The following ZBBX variants were observed in gnomAD, a reference collection of about 807,000 sequenced individuals.
ZBBX encodes the protein zinc finger B-box domain containing, also known as zinc finger B-box domain-containing protein 1.
ZBBX carries 101 observed loss-of-function variants against 108.5 expected under a neutral mutation model. The ratio of observed to expected loss-of-function variants is 0.93; its 90% CI spans 0.79 to 1.10. The LOEUF is 1.10. Among genes scored for constraint, ZBBX ranks in the 50% least tolerant of loss-of-function variants. ZBBX has a pLI of 0.00. For missense variants in ZBBX, 1,009 were observed against 941.4 expected, an observed-to-expected ratio of 1.07 and a Z score of -0.94; for synonymous variants, 356 against 323.4, an observed-to-expected ratio of 1.10 and a Z score of -1.08.
At chr3:167,281,117 G>C (rs1728735917) in intron 20 of ZBBX, among the ~76,000 whole-genome samples, 1 of 152,160 alleles carries the variant, frequency 6.6e-6, no homozygotes, top group Admixed American at 6.6e-5. Flanking sequence ...GGTGGGGGTA[G>C]GGGGAGCGAT....
chr3:167,299,416 A>G (rs1732238155), intron 17 of ZBBX, among the ~76,000 whole-genome samples: 1 of 152,144 alleles, frequency 6.6e-6, no homozygotes, highest in South Asian at 2.1e-4. Context: ...CCCAGACACC[A>G]ATAAACAATT....
At position 167,240,574 on chromosome 3, in the gene ZBBX, A is replaced by T. The variant is rs1237998249; in HGVS notation, c.*219T>A. 8.1e-6 allele frequency: 3 copies of T among 371,134 alleles called. No homozygotes were observed. Among genetic ancestry groups the T allele is most frequent in the Non-Finnish European group, 1.4e-5 (3 of 208,506 alleles). The allele number at this position is 371,134 out of a possible 1,614,324, so 23.0% of individuals were successfully genotyped here. A position where few individuals can be genotyped will look rare whatever the true frequency, so the allele number is the denominator to read the frequency against. On this transcript the variant is annotated 3_prime_UTR_variant, in exon 22 of 22. Transcript: ENST00000675490. ...TTCAAATTCACCATATTTTACTAACATAATCTGCAATATAGATTAGTGGTT... is the reference window on the plus strand; with the variant it reads ...TTCAAATTCACCATATTTTACTAACTTAATCTGCAATATAGATTAGTGGTT...
At chr3:167,191,924 T>TAGAGAGAGAGAGAG in the ZBBX span, among the ~76,000 whole-genome samples, 11 of 125,556 alleles carry the variant, frequency 8.8e-5, no homozygotes, top group African/African-American at 3.3e-4. Flanking sequence ...TATATATATA[T>TAGAGAGAGAGAGAG]ATATATATAT....
At chr3:167,183,503 C>T in the ZBBX span, among the ~76,000 whole-genome samples, 2,031 of 152,294 alleles carry the variant, frequency 0.013, 22 homozygotes, top group South Asian at 0.026. Flanking sequence ...ATATAGAGTG[C>T]GGAGTGGGAA....
chr3:167,217,938 T>C, the ZBBX span, among the ~76,000 whole-genome samples: 1 of 150,610 alleles, frequency 6.6e-6, no homozygotes, highest in African/African-American at 2.5e-5. Context: ...TCGCCCAGGC[T>C]GGAGTGCAGT....
intron 20 of ZBBX, among the ~76,000 whole-genome samples, chr3:167,267,597 G>T (rs1725770346): frequency 6.6e-6 from 1 of 152,064 alleles, no homozygotes; most frequent in African/African-American, 2.4e-5. Context: ...TTGGACCCAG[G>T]GTCCACTCCT....
intron 14 of ZBBX, 112 bp downstream of exon 14, chr3:167,316,893 A>G: frequency 1.8e-6 from 1 of 561,568 alleles, no homozygotes; most frequent in East Asian, 3.2e-5. Context: ...TTTCCTATTA[A>G]ACTATGTTAG....
chr3:167,262,101 C>T (rs1442065958), intron 20 of ZBBX, among the ~76,000 whole-genome samples: 7 of 152,250 alleles, frequency 4.6e-5, no homozygotes, highest in Non-Finnish European at 5.9e-5. Flanking sequence ...AAACTTCTCA[C>T]GCAAACAGAA....
At chr3:167,270,395 A>G (rs951574742) in intron 20 of ZBBX, among the ~76,000 whole-genome samples, 3 of 152,202 alleles carry the variant, frequency 2.0e-5, no homozygotes, top group Non-Finnish European at 2.9e-5. Flanking sequence ...CTACTCCAGA[A>G]AAACCTGACC....
At chr3:167,323,874 A>G (rs1305566945) in intron 11 of ZBBX, among the ~76,000 whole-genome samples, 1 of 152,144 alleles carries the variant, frequency 6.6e-6, no homozygotes, top group Admixed American at 6.6e-5. Flanking sequence ...TTCAGATCAC[A>G]CATAACTTTC....
the ZBBX span, among the ~76,000 whole-genome samples, chr3:167,193,570 T>A: frequency 6.6e-6 from 1 of 152,066 alleles, no homozygotes; most frequent in Admixed American, 6.5e-5. Context: ...TGGCAATGCA[T>A]GTTTGTTTTT....
intron 17 of ZBBX, among the ~76,000 whole-genome samples, 170 bp downstream of exon 17, chr3:167,305,473 C>T (rs1476804078): frequency 3.9e-5 from 6 of 152,034 alleles, no homozygotes; most frequent in African/African-American, 1.4e-4. Flanking sequence ...GTCCTAGAGG[C>T]CATTAATGTT....
chr3:167,303,635 T>A (rs190319683), intron 17 of ZBBX, among the ~76,000 whole-genome samples: 39 of 152,312 alleles, frequency 2.6e-4, no homozygotes, highest in Non-Finnish European at 4.1e-4. Context: ...TGGTCTTGAA[T>A]GAAAGTTTTG....
At chr3:167,405,469 C>G (rs147391933) in intron 1 of ZBBX, among the ~76,000 whole-genome samples, 2 of 152,040 alleles carry the variant, frequency 1.3e-5, no homozygotes, top group Non-Finnish European at 2.9e-5. Flanking sequence ...ATAAGTGGTA[C>G]AGAAAAGGTG....
the ZBBX span, among the ~76,000 whole-genome samples, chr3:167,188,138 AATT>A: frequency 6.6e-6 from 1 of 152,206 alleles, no homozygotes; most frequent in Non-Finnish European, 1.5e-5. Flanking sequence ...CCATAAAAAC[AATT>A]ATTTGGAAGG....
chr3:167,297,242 C>T (rs979282613), intron 18 of ZBBX, among the ~76,000 whole-genome samples: 1 of 151,868 alleles, frequency 6.6e-6, no homozygotes, highest in Non-Finnish European at 1.5e-5. Flanking sequence ...AAAATTCACT[C>T]TCTCAGCCAA....
chr3:167,284,969 TA>T (rs142020887), intron 19 of ZBBX, among the ~76,000 whole-genome samples: 4 of 152,142 alleles, frequency 2.6e-5, no homozygotes, highest in Admixed American at 6.6e-5. Flanking sequence ...ATATTTTTTT[TA>T]AAAAAAATCT....
At chr3:167,402,545 A>C (rs978731428) in intron 1 of ZBBX, among the ~76,000 whole-genome samples, 3 of 152,152 alleles carry the variant, frequency 2.0e-5, no homozygotes, top group Admixed American at 6.6e-5. Context: ...TCTACTATGC[A>C]ATAACAAATT....
At chr3:167,317,190 AAG>A in intron 13 of ZBBX, 85 bp from the exon 14 acceptor site, 2 of 922,318 alleles carry the variant, frequency 2.2e-6, no homozygotes, top group Non-Finnish European at 1.6e-6. Flanking sequence ...ACCAAAAAAG[AAG>A]AGTGTTCTCA....
Sources: gnomAD v4.1 joint callset for allele counts (sites outside exome capture counted in the v4.1 genomes callset) on GRCh38, gnomAD v4.1.1 for gene constraint, MANE v1.5 for transcripts, NCBI Gene and HGNC (gene_info 2026-07-23, HGNC 2026-07-21) for gene names.